The following ADGRL3 variants were observed in gnomAD, a reference collection of about 807,000 sequenced individuals.
ADGRL3 encodes calcium-independent alpha-latrotoxin receptor 3.
Under a neutral mutation model 153.5 loss-of-function variants are expected in ADGRL3, and 62 were observed. That is an observed-to-expected ratio of 0.40 (90% CI 0.33 to 0.50). ADGRL3 has a LOEUF of 0.50. ADGRL3 is among the 20% of genes least tolerant of loss of function. The pLI is 0.47. For missense variants in ADGRL3, 1,641 were observed against 1,859.4 expected, an observed-to-expected ratio of 0.88 and a Z score of 2.16; for synonymous variants, 710 against 672.5, an observed-to-expected ratio of 1.06 and a Z score of -0.86.
intron 6 of ADGRL3, among the ~76,000 whole-genome samples, chr4:61,694,226 A>G (rs2095599479): frequency 1.9e-5 from 1 of 52,728 alleles, no homozygotes; most frequent in Non-Finnish European, 4.1e-5. Flanking sequence ...TTTTAGAGGC[A>G]GGATCTTGCT....
At chr4:61,703,847 CT>C (rs879364284) in intron 6 of ADGRL3, among the ~76,000 whole-genome samples, 3,438 of 145,074 alleles carry the variant, frequency 0.024, 77 homozygotes, top group Admixed American at 0.046. Context: ...TTATTTTAGT[CT>C]TTTTTTTTTT....
chr4:61,330,088 C>T (rs2095541471), intron 1 of ADGRL3, among the ~76,000 whole-genome samples: 2 of 152,192 alleles, frequency 1.3e-5, no homozygotes, highest in African/African-American at 4.8e-5. Flanking sequence ...TCCACTCCTA[C>T]ATGACTTCAC....
At position 61,733,514 on chromosome 4, in the gene ADGRL3, G is replaced by T; in HGVS notation, c.1359G>T (p.Val453=). The T allele has an allele frequency of 6.2e-7, 1 of 1,613,472 alleles. No homozygotes were observed. ...ATGTATGGAATAACTATCACGTCGT[G>T]AAATATTCTTTGGATTTTGGACCTC... ...LLYVWNNYHV[V]KYSLDFGPLD... Residue 453 remains valine (V), a synonymous_variant, in exon 8 of 27, where the codon GTG becomes GTT. Coordinates refer to ENST00000683033, the MANE Select transcript of ADGRL3 (RefSeq NM_001387552.1).
At chr4:62,053,123 T>A (rs1231139937) in intron 25 of ADGRL3, among the ~76,000 whole-genome samples, 1 of 151,486 alleles carries the variant, frequency 6.6e-6, no homozygotes, top group Non-Finnish European at 1.5e-5. Flanking sequence ...AGAGTCATCA[T>A]TGGTTCAAAT....
At chr4:61,832,942 T>A (rs1581052102) in intron 9 of ADGRL3, among the ~76,000 whole-genome samples, 1 of 151,944 alleles carries the variant, frequency 6.6e-6, no homozygotes, top group African/African-American at 2.4e-5. Flanking sequence ...TACGGGCATG[T>A]TTTTCTCTTC....
rs374912739 is a variant in ADGRL3, at chr4:61,543,471, T to G, written c.259+25953T>G. On this transcript the variant is annotated intron_variant, in intron 4 of 26. Transcript: ENST00000683033. ...GAGAAAGGAACATAGCCTTCCTGACTGGCTGATTTTAGCCCGGAGAGAAGC... is the reference window on the plus strand; with the variant it reads ...GAGAAAGGAACATAGCCTTCCTGACGGGCTGATTTTAGCCCGGAGAGAAGC... Among the ~76,000 whole-genome samples, 360 of 152,348 alleles carry G rather than the reference T, an allele frequency of 2.4e-3. 1 individual carries two copies. The highest frequency in any genetic ancestry group is 8.1e-3 in the African/African-American group (335 of 41,582).
chr4:61,425,299 A>G (rs2097263038), intron 2 of ADGRL3: 1 of 152,306 alleles, frequency 6.6e-6, no homozygotes, highest in Admixed American at 6.5e-5. Context: ...CATGCCCCCT[A>G]TCCAAAGTTT....
At chr4:61,509,628 G>C (rs1039969183) in intron 3 of ADGRL3, among the ~76,000 whole-genome samples, 1 of 149,878 alleles carries the variant, frequency 6.7e-6, no homozygotes, top group Non-Finnish European at 1.5e-5. Context: ...GTGTGCGTGT[G>C]TATATATATA....
chr4:61,327,685 GA>G (rs2095493153), intron 1 of ADGRL3, among the ~76,000 whole-genome samples: 1 of 151,932 alleles, frequency 6.6e-6, no homozygotes, highest in Admixed American at 6.6e-5. Flanking sequence ...GAAATGAATG[GA>G]GAAATAATAC....
intron 1 of ADGRL3, among the ~76,000 whole-genome samples, chr4:61,237,329 C>T (rs1032404791): frequency 3.9e-5 from 6 of 152,022 alleles, no homozygotes; most frequent in African/African-American, 1.4e-4. Flanking sequence ...GTGTTTTGGT[C>T]CTGGGTTTCT....
intron 1 of ADGRL3, among the ~76,000 whole-genome samples, chr4:61,244,235 G>A (rs1258884249): frequency 6.6e-6 from 1 of 151,994 alleles, no homozygotes; most frequent in Non-Finnish European, 1.5e-5. Context: ...AAACAGTAGA[G>A]CAGAGGGGAT....
intron 5 of ADGRL3, among the ~76,000 whole-genome samples, chr4:61,639,135 G>A (rs1290071693): frequency 6.6e-6 from 1 of 152,084 alleles, no homozygotes; most frequent in Admixed American, 6.6e-5. Context: ...TTTAGAAATG[G>A]AAGAAGTGAC....
chr4:61,838,723 T>C (rs980785557), intron 9 of ADGRL3, among the ~76,000 whole-genome samples: 1 of 152,172 alleles, frequency 6.6e-6, no homozygotes, highest in African/African-American at 2.4e-5. Context: ...AAAGTAAAAA[T>C]GGTCTATGCC....
chr4:61,688,765 C>G (rs537257865), intron 6 of ADGRL3, among the ~76,000 whole-genome samples: 2 of 152,190 alleles, frequency 1.3e-5, no homozygotes, highest in East Asian at 3.9e-4. Flanking sequence ...ACAGACAAAA[C>G]CTTTGCCCTA....
At chr4:61,966,028 C>G (rs574589743) in intron 17 of ADGRL3, among the ~76,000 whole-genome samples, 1 of 151,920 alleles carries the variant, frequency 6.6e-6, no homozygotes, top group Non-Finnish European at 1.5e-5. Flanking sequence ...CTGGAAGATC[C>G]GCATTCTGCT....
At chr4:61,452,216 C>G (rs915386762) in intron 2 of ADGRL3, among the ~76,000 whole-genome samples, 2 of 152,158 alleles carry the variant, frequency 1.3e-5, no homozygotes, top group Non-Finnish European at 2.9e-5. Flanking sequence ...CCAAGACACT[C>G]TCCATTACCT....
chr4:61,904,263 T>C (rs188317390), intron 11 of ADGRL3, among the ~76,000 whole-genome samples: 2 of 152,124 alleles, frequency 1.3e-5, no homozygotes, highest in East Asian at 1.9e-4. Context: ...TATTTTACTT[T>C]CTGGTTTATA....
chr4:61,426,509 G>A lies in ADGRL3; in HGVS notation c.-174+43320G>A, dbSNP rs2097283632. On this transcript the variant is annotated intron_variant, in intron 2 of 26. Transcript: ENST00000683033. Reference sequence around the variant, plus strand: ...TTATGTTTTTCACTTTCACTGACTGGCCTCCATAGCCGTCTATGTATGCAG... The same window carrying A: ...TTATGTTTTTCACTTTCACTGACTGACCTCCATAGCCGTCTATGTATGCAG... 3.3e-5 allele frequency among the ~76,000 whole-genome samples: 5 copies of A among 152,142 alleles called. No individual in the cohort carries two copies. In the South Asian group the frequency reaches 1.0e-3, roughly 32 times the overall value.
At chr4:61,386,131 G>A (rs746353623) in intron 2 of ADGRL3, among the ~76,000 whole-genome samples, 8 of 152,102 alleles carry the variant, frequency 5.3e-5, no homozygotes, top group Admixed American at 1.3e-4. Context: ...AACTAAATGA[G>A]TCCTCACATC....
Sources: gnomAD v4.1 joint callset for allele counts (sites outside exome capture counted in the v4.1 genomes callset) on GRCh38, gnomAD v4.1.1 for gene constraint, MANE v1.5 for transcripts, NCBI Gene and HGNC (gene_info 2026-07-23, HGNC 2026-07-21) for gene names.